The following IGF2R variants were observed in gnomAD, a reference collection of about 807,000 sequenced individuals.
IGF2R encodes cation-independent mannose-6-phosphate receptor.
A neutral mutation model predicts 270.6 loss-of-function variants in IGF2R; 91 were observed. That is an observed-to-expected ratio of 0.34 (90% CI 0.28 to 0.40). The LOEUF is 0.40. Ranked by LOEUF, IGF2R falls within the 10% of genes least tolerant of loss-of-function variation. The pLI is 1.00. For missense variants in IGF2R, 2,805 were observed against 3,188.3 expected, an observed-to-expected ratio of 0.88 and a Z score of 2.90; for synonymous variants, 1,316 against 1,258.9, an observed-to-expected ratio of 1.05 and a Z score of -0.96.
At chr6:159,993,549 T>C (rs948523663) in intron 2 of IGF2R, among the ~76,000 whole-genome samples, 1 of 152,226 alleles carries the variant, frequency 6.6e-6, no homozygotes, top group Non-Finnish European at 1.5e-5. Context: ...GCCCTGACTC[T>C]GGGTTCTCTA....
chr6:159,983,305 A>G (rs1377537703), intron 1 of IGF2R, among the ~76,000 whole-genome samples: 2 of 152,184 alleles, frequency 1.3e-5, no homozygotes, highest in Non-Finnish European at 2.9e-5. Context: ...TAACCAGCTG[A>G]CAGTCTGTTA....
chr6:160,038,256 A>G (rs1777869082), intron 10 of IGF2R, among the ~76,000 whole-genome samples: 2 of 152,196 alleles, frequency 1.3e-5, no homozygotes, highest in African/African-American at 4.8e-5. Flanking sequence ...TAATCCTAAC[A>G]TTGCTGATGA....
chr6:160,072,744 C>G, intron 32 of IGF2R, 21 bp from the exon 33 acceptor site: 1 of 1,614,152 alleles, frequency 6.2e-7, no homozygotes, highest in Non-Finnish European at 8.5e-7. Flanking sequence ...CACTGTGTCC[C>G]CATCTTCTTC....
chr6:160,089,854 TTA>T (rs1412607657), intron 43 of IGF2R, 60 bp from the exon 44 acceptor site: 4 of 1,208,026 alleles, frequency 3.3e-6, no homozygotes, highest in South Asian at 1.6e-5. Context: ...GACTGAGGGT[TTA>T]TGTCATGAAT....
intron 4 of IGF2R, among the ~76,000 whole-genome samples, chr6:160,022,168 A>T (rs536655837): frequency 6.6e-6 from 1 of 152,220 alleles, no homozygotes; most frequent in Non-Finnish European, 1.5e-5. Flanking sequence ...ATTCTCACTT[A>T]TAAGTGGGAA....
In IGF2R at chr6:160,063,479, C is replaced by T; in HGVS notation, c.3735C>T (p.Leu1245=). 1 of 1,613,608 alleles carries T rather than the reference C, an allele frequency of 6.2e-7. No homozygotes were observed. The highest frequency in any genetic ancestry group is 1.3e-5 in the African/African-American group (1 of 75,028). ...TGTATGACCTGAAGCCCCTGGGCCT[C>T]AACGACACCATCGTGAGCGCTGGCG... The part of the protein sequence containing the change: ...GNLYDLKPLG[L]NDTIVSAGEY... The change falls in exon 27 of 48, where the codon CTC becomes CTT. Residue 1245 remains leucine (L), a synonymous_variant. Coordinates refer to ENST00000356956, the MANE Select transcript of IGF2R (RefSeq NM_000876.4).
In IGF2R at chr6:160,109,813, C is replaced by A. The variant is rs1779706827; in HGVS notation, c.*4729C>A. 1 of 152,190 alleles carries A rather than the reference C, an allele frequency of 6.6e-6. No homozygotes were observed. Among genetic ancestry groups the A allele is most frequent in the Non-Finnish European group, 1.5e-5 (1 of 68,044 alleles). The allele number at this position is 152,190 out of a possible 1,614,324, so 9.4% of individuals were successfully genotyped here. A position where few individuals can be genotyped will look rare whatever the true frequency, so the allele number is the denominator to read the frequency against. ...TGATTTGCCCTGCCCCACCCAGCGG[C>A]TTTAGGACTCAGCTCTTCAGGAACA... On this transcript the variant is annotated 3_prime_UTR_variant, in exon 48 of 48. Transcript: ENST00000356956.
chr6:160,094,402 C>T (rs2114735581), intron 44 of IGF2R: 1 of 212,706 alleles, frequency 4.7e-6, no homozygotes, highest in African/African-American at 2.3e-5. Flanking sequence ...GCATGCTTCT[C>T]CATCCTTTTT....
At chr6:160,072,968 A>C (rs1365041997) in intron 33 of IGF2R, 84 bp downstream of exon 33, 1 of 1,517,786 alleles carries the variant, frequency 6.6e-7, no homozygotes, top group Non-Finnish European at 8.9e-7. Context: ...TAATGGCAAA[A>C]AGGATGAGCA....
chr6:160,022,433 C>G (rs963700754), intron 4 of IGF2R, among the ~76,000 whole-genome samples: 6 of 152,188 alleles, frequency 3.9e-5, no homozygotes, highest in Admixed American at 1.3e-4. Flanking sequence ...AGCTCAGGGT[C>G]TTGCCAACTC....
At position 160,063,624 on chromosome 6, in the gene IGF2R, G is replaced by C; in HGVS notation, c.3880G>C (p.Val1294Leu). Reference protein sequence around the residue: ...EKREPQGFHKVAGLLTQKLTY... With the variant: ...EKREPQGFHKLAGLLTQKLTY... ...GCGGGAACCGCAGGGATTTCACAAA[G>C]TGGCAGGTACCATTGTTTGTCGTTT... The change falls in exon 27 of 48, where the codon GTG (valine) becomes CTG (leucine). Residue 1294 changes from valine to leucine, a missense_variant. Coordinates refer to ENST00000356956, the MANE Select transcript of IGF2R (RefSeq NM_000876.4). The C allele has an allele frequency of 6.2e-7, 1 of 1,612,580 alleles. No homozygotes were observed. The highest frequency in any genetic ancestry group is 8.5e-7 in the Non-Finnish European group (1 of 1,178,642).
rs1779726151 is a variant in IGF2R at position 160,110,861 on chromosome 6, C to G, written c.*5777C>G. ...AGATGATCTCACTTATATGTGGAAT[C>G]TAAAAAGGTTGGACTCAGAAGCAGA... On this transcript the variant is annotated 3_prime_UTR_variant, in exon 48 of 48. Transcript: ENST00000356956. The G allele has an allele frequency of 6.6e-6, 1 of 152,142 alleles. No individual in the cohort carries two copies. Among genetic ancestry groups the G allele is most frequent in the Admixed American group, 6.5e-5 (1 of 15,278 alleles). The allele number at this position is 152,142 out of a possible 1,614,324, so 9.4% of individuals were successfully genotyped here.
chr6:160,034,239 A>G (rs753151929), intron 9 of IGF2R, among the ~76,000 whole-genome samples, 180 bp from the exon 10 acceptor site: 2 of 152,262 alleles, frequency 1.3e-5, no homozygotes, highest in African/African-American at 4.8e-5. Flanking sequence ...TGTCAAGTCC[A>G]TACATTTGGA....
intron 42 of IGF2R, 114 bp downstream of exon 42, chr6:160,088,261 G>A: frequency 1.4e-6 from 1 of 715,438 alleles, no homozygotes. Flanking sequence ...CAGGGCCAGA[G>A]CCGCTGATTG....
At chr6:160,027,036 G>A (rs1483974638) in intron 5 of IGF2R, 149 bp from the exon 6 acceptor site, 1 of 800,462 alleles carries the variant, frequency 1.2e-6, no homozygotes, top group East Asian at 2.6e-5. Flanking sequence ...GTTTGCAGAG[G>A]GTTAATGGCT....
At chr6:160,047,386 G>A (rs536040132) in intron 16 of IGF2R, 50 bp downstream of exon 16, 2 of 1,446,516 alleles carry the variant, frequency 1.4e-6, no homozygotes, top group Non-Finnish European at 9.3e-7. Flanking sequence ...TCATGCCTGT[G>A]GTGGGCCTTT....
At chr6:160,081,601 G>A (rs1047534619) in intron 39 of IGF2R, among the ~76,000 whole-genome samples, 12 of 152,166 alleles carry the variant, frequency 7.9e-5, no homozygotes, top group Admixed American at 2.0e-4. Context: ...GCCTGGGGGC[G>A]CTGCAGGAGG....
chr6:160,066,019 T>G (rs1486176887), intron 29 of IGF2R, among the ~76,000 whole-genome samples: 1 of 146,922 alleles, frequency 6.8e-6, no homozygotes, highest in South Asian at 2.2e-4. Context: ...GGTGTTTTTT[T>G]TTTTTTTTTT....
At chr6:160,029,361 A>C (rs1777639570) in intron 6 of IGF2R, among the ~76,000 whole-genome samples, 189 bp from the exon 7 acceptor site, 1 of 147,034 alleles carries the variant, frequency 6.8e-6, no homozygotes, top group South Asian at 2.2e-4. Flanking sequence ...ACTGGAGTTT[A>C]CTTAAAACTT....
Sources: gnomAD v4.1 joint callset for allele counts (sites outside exome capture counted in the v4.1 genomes callset) on GRCh38, gnomAD v4.1.1 for gene constraint, MANE v1.5 for transcripts, NCBI Gene and HGNC (gene_info 2026-07-23, HGNC 2026-07-21) for gene names.